The following C10orf143 variants were observed in gnomAD, a reference collection of about 807,000 sequenced individuals.
The protein encoded by C10orf143 is uncharacterized protein C10orf143.
At chr10:130,084,174 C>T (rs1383223247) in intron 1 of C10orf143, among the ~76,000 whole-genome samples, 2 of 151,902 alleles carry the variant, frequency 1.3e-5, no homozygotes, top group Admixed American at 6.6e-5. Context: ...ATTAGCCAGG[C>T]GTGGTGGCAG....
intron 1 of C10orf143, among the ~76,000 whole-genome samples, chr10:130,099,589 T>C (rs981249744): frequency 6.6e-6 from 1 of 152,004 alleles, no homozygotes; most frequent in Admixed American, 6.6e-5. Context: ...CAGGCTAGAG[T>C]GCAGAGGCAT....
At chr10:130,050,916 A>G (rs995968341) in intron 3 of C10orf143, among the ~76,000 whole-genome samples, 1 of 152,138 alleles carries the variant, frequency 6.6e-6, no homozygotes, top group African/African-American at 2.4e-5. Flanking sequence ...TGTCTCCAAC[A>G]TGGATGATGG....
At chr10:130,058,292 C>A (rs1032997228) in intron 3 of C10orf143, among the ~76,000 whole-genome samples, 14 of 152,170 alleles carry the variant, frequency 9.2e-5, no homozygotes, top group African/African-American at 3.4e-4. Flanking sequence ...GAGGCCAGGT[C>A]TGACCCCAGC....
chr10:130,108,538 C>G (rs1040636639), intron 1 of C10orf143: 3 of 627,134 alleles, frequency 4.8e-6, no homozygotes, highest in African/African-American at 3.7e-5. Context: ...CACTTTTGCT[C>G]AAATTGAAAC....
At chr10:130,050,505 C>T (rs562048935) in intron 3 of C10orf143, among the ~76,000 whole-genome samples, 3 of 152,322 alleles carry the variant, frequency 2.0e-5, no homozygotes, top group South Asian at 4.1e-4. Flanking sequence ...GCCTAGATAA[C>T]GGAGCAAGAC....
At chr10:130,086,228 C>T (rs1045357413) in intron 1 of C10orf143, among the ~76,000 whole-genome samples, 3 of 152,164 alleles carry the variant, frequency 2.0e-5, no homozygotes, top group Admixed American at 2.0e-4. Context: ...CATGCGAGCT[C>T]ACCTCCCCTG....
intron 3 of C10orf143, among the ~76,000 whole-genome samples, chr10:130,078,173 C>T (rs77321751): frequency 0.019 from 2,860 of 152,212 alleles, 40 homozygotes; most frequent in East Asian, 0.055. Context: ...GAATATTAGC[C>T]AAAATGATCC....
At chr10:130,107,041 C>A (rs1861661974) in intron 1 of C10orf143, 2 of 1,404,146 alleles carry the variant, frequency 1.4e-6, no homozygotes, top group Non-Finnish European at 2.0e-6. Context: ...GAGAAAGAAA[C>A]CAAATTTATA....
At chr10:130,072,159 T>G (rs1179999023) in intron 3 of C10orf143, among the ~76,000 whole-genome samples, 1 of 152,214 alleles carries the variant, frequency 6.6e-6, no homozygotes, top group Non-Finnish European at 1.5e-5. Flanking sequence ...AAGATCTCAA[T>G]TTTATTTCAT....
chr10:130,091,217 A>C (rs1339671163), intron 1 of C10orf143, among the ~76,000 whole-genome samples: 1 of 152,202 alleles, frequency 6.6e-6, no homozygotes, highest in African/African-American at 2.4e-5. Flanking sequence ...AGCTTCCAGA[A>C]GAAGGAACAG....
chr10:130,071,290 A>C (rs1861028900), intron 3 of C10orf143, among the ~76,000 whole-genome samples: 1 of 152,198 alleles, frequency 6.6e-6, no homozygotes, highest in African/African-American at 2.4e-5. Context: ...ACCCATGTAC[A>C]TGGCTTCTGA....
intron 1 of C10orf143, chr10:130,106,863 A>C: frequency 8.9e-7 from 1 of 1,125,134 alleles, no homozygotes; most frequent in Non-Finnish European, 1.4e-6. Flanking sequence ...CATTTGCTAA[A>C]GATGAAAGAT....
chr10:130,037,244 C>T (rs114533656), intron 3 of C10orf143, among the ~76,000 whole-genome samples: 238 of 152,276 alleles, frequency 1.6e-3, no homozygotes, highest in African/African-American at 5.6e-3. Flanking sequence ...AAGGCCGGGC[C>T]GCCGCTTCCG....
At chr10:130,040,542 G>A (rs921265402) in intron 3 of C10orf143, among the ~76,000 whole-genome samples, 15 of 152,342 alleles carry the variant, frequency 9.8e-5, no homozygotes, top group African/African-American at 2.2e-4. Flanking sequence ...ACAGTGAAGC[G>A]CCTTATTCAA....
intron 1 of C10orf143, chr10:130,104,096 G>A (rs948081954): frequency 2.0e-5 from 3 of 152,180 alleles, no homozygotes; most frequent in Non-Finnish European, 2.9e-5. Context: ...GTAAAAAGCC[G>A]AGCACTGGAG....
At chr10:130,075,624 G>A (rs1861103035) in intron 3 of C10orf143, among the ~76,000 whole-genome samples, 1 of 152,220 alleles carries the variant, frequency 6.6e-6, no homozygotes, top group Non-Finnish European at 1.5e-5. Flanking sequence ...TCGGCTCTGT[G>A]TCCCCACCCA....
At chr10:130,078,071 A>G (rs1006750270) in intron 3 of C10orf143, among the ~76,000 whole-genome samples, 2 of 152,256 alleles carry the variant, frequency 1.3e-5, no homozygotes, top group Non-Finnish European at 2.9e-5. Context: ...TTCTGCTCAT[A>G]GATTCATTTC....
intron 1 of C10orf143, among the ~76,000 whole-genome samples, chr10:130,093,167 A>T (rs1285137816): frequency 6.6e-6 from 1 of 152,224 alleles, no homozygotes; most frequent in African/African-American, 2.4e-5. Flanking sequence ...CATAATTGGA[A>T]GTAAAACATT....
At chr10:130,054,389 T>C (rs1208174174) in intron 3 of C10orf143, among the ~76,000 whole-genome samples, 1 of 152,236 alleles carries the variant, frequency 6.6e-6, no homozygotes, top group African/African-American at 2.4e-5. Context: ...TTCCATCATA[T>C]GTATAAGTCA....
Sources: gnomAD v4.1 joint callset for allele counts (sites outside exome capture counted in the v4.1 genomes callset) on GRCh38, gnomAD v4.1.1 for gene constraint, MANE v1.5 for transcripts, NCBI Gene and HGNC (gene_info 2026-07-23, HGNC 2026-07-21) for gene names.